Variants in GLI2 observed in about 807,000 individuals in gnomAD.
The protein encoded by GLI2 is GLI family zinc finger 2.
A neutral mutation model predicts 78.9 loss-of-function variants in GLI2; 22 were observed. That is an observed-to-expected ratio of 0.28 (90% CI 0.20 to 0.40). GLI2 has a LOEUF of 0.40. Ranked by LOEUF, GLI2 falls within the 10% of genes least tolerant of loss-of-function variation. GLI2 has a pLI of 1.00. For missense variants in GLI2, 2,097 were observed against 2,213.2 expected, an observed-to-expected ratio of 0.95 and a Z score of 1.05; for synonymous variants, 974 against 963.7, an observed-to-expected ratio of 1.01 and a Z score of -0.20.
At chr2:120,774,560 G>A (rs763178567) in intron 1 of GLI2, among the ~76,000 whole-genome samples, 23 of 152,220 alleles carry the variant, frequency 1.5e-4, no homozygotes, top group Non-Finnish European at 3.2e-4. Flanking sequence ...TAGACAGGAA[G>A]TGGAAAATTG....
chr2:120,775,388 C>T (rs1454721490), intron 1 of GLI2, among the ~76,000 whole-genome samples: 1 of 152,230 alleles, frequency 6.6e-6, no homozygotes, highest in Admixed American at 6.5e-5. Context: ...TCTCCCGGTG[C>T]CGTTCAGTGG....
At chr2:120,902,789 ACAGC>A (rs1245878958) in intron 2 of GLI2, among the ~76,000 whole-genome samples, 8 of 152,298 alleles carry the variant, frequency 5.3e-5, no homozygotes, top group African/African-American at 1.7e-4. Flanking sequence ...TCAGCAATCT[ACAGC>A]ATGCATGCAT....
chr2:120,971,768 G>A (rs1337175485), intron 7 of GLI2, among the ~76,000 whole-genome samples, 173 bp from the exon 8 acceptor site: 1 of 152,224 alleles, frequency 6.6e-6, no homozygotes, highest in East Asian at 1.9e-4. Context: ...CTCTCCTGTA[G>A]CAGGACATGT....
intron 2 of GLI2, among the ~76,000 whole-genome samples, chr2:120,848,208 C>T (rs1462025926): frequency 6.6e-6 from 1 of 152,222 alleles, no homozygotes; most frequent in African/African-American, 2.4e-5. Context: ...GGCCTGACTC[C>T]GCCGCCTGGT....
intron 2 of GLI2, among the ~76,000 whole-genome samples, chr2:120,915,919 C>A (rs1679075372): frequency 6.6e-6 from 1 of 152,240 alleles, no homozygotes; most frequent in African/African-American, 2.4e-5. Context: ...CCACTCCCGC[C>A]TCTCTGATCT....
At chr2:120,983,112 A>G (rs1211940919) in intron 11 of GLI2, among the ~76,000 whole-genome samples, 2 of 152,126 alleles carry the variant, frequency 1.3e-5, no homozygotes, top group Admixed American at 6.5e-5. Context: ...GTCCCATGGC[A>G]TACTGACCCT....
At position 120,927,498 on chromosome 2, in the gene GLI2, C is replaced by T. The variant is rs183122114; in HGVS notation, c.254+32C>T. 1,548 of 1,449,786 alleles carry T rather than the reference C, an allele frequency of 1.1e-3. 23 individuals carry two copies. In the South Asian group the frequency reaches 0.011, roughly 10 times the overall value. The allele number at this position is 1,449,786 out of a possible 1,614,324, so 89.8% of individuals were successfully genotyped here. ...CCTGCCCTCTGCCTGCTGCTCCTGG[C>T]GTGCAGTCACCTGCCATGGGGAGGC... is the stretch of plus-strand genomic sequence containing the variant. On this transcript the variant is annotated intron_variant, in intron 3 of 13. Coordinates refer to ENST00000361492, the MANE Select transcript of GLI2 (RefSeq NM_001374353.1).
intron 2 of GLI2, among the ~76,000 whole-genome samples, chr2:120,860,881 A>T (rs761613493): frequency 5.3e-5 from 8 of 152,150 alleles, no homozygotes; most frequent in Non-Finnish European, 8.8e-5. Flanking sequence ...GGATTACCCC[A>T]TTTCTAATAT....
At chr2:120,758,579 G>C (rs148117368) in intron 1 of GLI2, among the ~76,000 whole-genome samples, 23 of 152,350 alleles carry the variant, frequency 1.5e-4, no homozygotes, top group Non-Finnish European at 2.6e-4. Flanking sequence ...CCACGGCCAG[G>C]CCCAAGGCCT....
chr2:120,786,287 T>C (rs1307915897), intron 1 of GLI2, among the ~76,000 whole-genome samples: 1 of 152,196 alleles, frequency 6.6e-6, no homozygotes, highest in Non-Finnish European at 1.5e-5. Flanking sequence ...AGCTCCTTTC[T>C]CAAGACTTTG....
chr2:120,876,728 G>T (rs1049013179), intron 2 of GLI2, among the ~76,000 whole-genome samples: 2 of 152,002 alleles, frequency 1.3e-5, no homozygotes, highest in Admixed American at 1.3e-4. Flanking sequence ...CCAGTGGGTC[G>T]GCAGGGAGGA....
intron 2 of GLI2, among the ~76,000 whole-genome samples, chr2:120,863,259 C>T (rs920049544): frequency 1.3e-5 from 2 of 152,224 alleles, no homozygotes; most frequent in African/African-American, 4.8e-5. Flanking sequence ...CTCCGGCAGC[C>T]GACCACTGCC....
At chr2:120,910,151 C>A (rs1418876646) in intron 2 of GLI2, among the ~76,000 whole-genome samples, 3 of 152,172 alleles carry the variant, frequency 2.0e-5, no homozygotes, top group African/African-American at 7.2e-5. Context: ...CCCCCTGGGG[C>A]ATCTGGTCCA....
At chr2:120,934,378 C>G (rs746995149) in intron 3 of GLI2, among the ~76,000 whole-genome samples, 4 of 152,224 alleles carry the variant, frequency 2.6e-5, no homozygotes, top group Non-Finnish European at 5.9e-5. Context: ...CTTCCTTTCT[C>G]CTCCTGCCTG....
chr2:120,793,088 G>T (rs1684225308), intron 1 of GLI2, among the ~76,000 whole-genome samples: 1 of 152,368 alleles, frequency 6.6e-6, no homozygotes, highest in African/African-American at 2.4e-5. Context: ...GGAAGGCCCA[G>T]AAATGCTCCT....
intron 2 of GLI2, chr2:120,866,353 C>T (rs1359746413): frequency 6.6e-6 from 1 of 152,312 alleles, no homozygotes; most frequent in East Asian, 1.9e-4. Context: ...TTCCTCCCAT[C>T]CTGTCCTGGG....
At chr2:120,876,332 A>G (rs1422478016) in intron 2 of GLI2, among the ~76,000 whole-genome samples, 1 of 152,134 alleles carries the variant, frequency 6.6e-6, no homozygotes, top group Non-Finnish European at 1.5e-5. Context: ...ACAGAGCGAG[A>G]CTCCGTCTCA....
chr2:120,817,275 T>C (rs1019418515), intron 2 of GLI2, among the ~76,000 whole-genome samples: 2 of 152,186 alleles, frequency 1.3e-5, no homozygotes, highest in Non-Finnish European at 2.9e-5. Flanking sequence ...GTGGCCTCGG[T>C]ATGAAGCCAC....
intron 5 of GLI2, among the ~76,000 whole-genome samples, chr2:120,959,115 G>A (rs1017415539): frequency 5.9e-5 from 9 of 152,316 alleles, no homozygotes; most frequent in African/African-American, 1.9e-4. Context: ...TGGCAGCCCC[G>A]GGGGCTGAGC....
Sources: gnomAD v4.1 joint callset for allele counts (sites outside exome capture counted in the v4.1 genomes callset) on GRCh38, gnomAD v4.1.1 for gene constraint, MANE v1.5 for transcripts, NCBI Gene and HGNC (gene_info 2026-07-23, HGNC 2026-07-21) for gene names.